Variants in RNF145 observed in about 807,000 individuals in gnomAD.
RNF145 encodes ring finger protein 145.
A neutral mutation model predicts 57.3 loss-of-function variants in RNF145; 12 were observed. The ratio of observed to expected loss-of-function variants is 0.21; its 90% confidence interval spans 0.13 to 0.34. The LOEUF is 0.34. Among genes scored for constraint, RNF145 ranks in the 10% least tolerant of loss-of-function variants. The pLI is 1.00. For synonymous variants in RNF145, 262 were observed against 288.3 expected (o/e 0.91, Z 0.92); for missense variants, 429 against 799.0 (o/e 0.54, Z 5.58).
chr5:159,183,473 C>A (rs901964643), intron 3 of RNF145, among the ~76,000 whole-genome samples: 1 of 152,026 alleles, frequency 6.6e-6, no homozygotes, highest in Non-Finnish European at 1.5e-5. Flanking sequence ...TATTGAGTAA[C>A]CCTGTTTTCA....
intron 2 of RNF145, among the ~76,000 whole-genome samples, chr5:159,199,388 G>C (rs1282532090): frequency 1.8e-5 from 1 of 54,990 alleles, no homozygotes; most frequent in African/African-American, 1.7e-4. Context: ...AGAAAAATCA[G>C]GAAAAAAAAA....
chr5:159,182,884 G>T (rs1299415665), intron 3 of RNF145, among the ~76,000 whole-genome samples: 2 of 151,992 alleles, frequency 1.3e-5, no homozygotes. Context: ...AACTTTTAAT[G>T]CTTTATTCAT....
chr5:159,184,580 T>G (rs1182577043), intron 3 of RNF145, among the ~76,000 whole-genome samples: 1 of 152,176 alleles, frequency 6.6e-6, no homozygotes, highest in Non-Finnish European at 1.5e-5. Context: ...TATTGATACA[T>G]AAAAAGATTT....
chr5:159,158,804 T>C lies in RNF145; in HGVS notation c.1858A>G (p.Thr620Ala), dbSNP rs370893964. ...TCCCTGGAACCTTCCTGTATCCTGGTCCCTGGAGTATGCTCCTGGCCTGGG... is the reference window on the plus strand; with the variant it reads ...TCCCTGGAACCTTCCTGTATCCTGGCCCCTGGAGTATGCTCCTGGCCTGGG... ...EPPGQEHTPG[T>A]RIQEGSRDNN... The change falls in exon 11 of 11, where the codon ACC becomes GCC. Residue 620 changes from threonine (T) to alanine (A), a missense_variant. Physicochemically the swap from Thr to Ala is moderately conservative, Grantham distance 58 (BLOSUM62 0). Transcript: ENST00000424310. 21 of 1,613,856 alleles carry C rather than the reference T, an allele frequency of 1.3e-5. No individual in the cohort carries two copies. In the East Asian group the frequency reaches 2.0e-4, roughly 15 times the overall value.
At chr5:159,166,566 T>C (rs542765459) in intron 8 of RNF145, among the ~76,000 whole-genome samples, 2 of 152,358 alleles carry the variant, frequency 1.3e-5, no homozygotes, top group African/African-American at 4.8e-5. Flanking sequence ...ATCCAGTGTT[T>C]TTCTAGCTTC....
intron 3 of RNF145, among the ~76,000 whole-genome samples, chr5:159,192,995 C>T (rs1019741613): frequency 2.0e-5 from 3 of 152,122 alleles, no homozygotes; most frequent in South Asian, 2.1e-4. Flanking sequence ...TCAGAGGTAT[C>T]GGGGTAAGGC....
intron 1 of RNF145, among the ~76,000 whole-genome samples, chr5:159,204,388 G>T (rs983500923): frequency 9.3e-6 from 1 of 107,182 alleles, no homozygotes; most frequent in Non-Finnish European, 2.1e-5. Context: ...ATAAGTAGTG[G>T]GGGGGGGCAG....
At chr5:159,186,391 C>T (rs1021926729) in intron 3 of RNF145, among the ~76,000 whole-genome samples, 1 of 152,250 alleles carries the variant, frequency 6.6e-6, no homozygotes, top group Non-Finnish European at 1.5e-5. Flanking sequence ...ATAACAGTCT[C>T]TTCAGCGACC....
Position 159,169,679 on chromosome 5 carries a change from C to T in RNF145, c.938G>A (p.Arg313Gln), listed in dbSNP as rs747291155. 4 of 1,589,520 alleles carry T rather than the reference C, an allele frequency of 2.5e-6. No individual in the cohort carries two copies. Among genetic ancestry groups the T allele is most frequent in the Non-Finnish European group, 3.4e-6 (4 of 1,172,006 alleles). ...RAFMNDPAMN[R>Q]GMTEGVTLLI... is the part of the protein sequence containing the mutation. ...AGATATAATCAAGGAAAGAACTTAC[C>T]GATTCATGGCAGGATCATTCATGAA... The change falls in exon 7 of 11, where the codon CGG (arginine) becomes CAG (glutamine). Residue 313 changes from arginine to glutamine, a missense_variant and splice_region_variant. Transcript: ENST00000424310.
At chr5:159,195,432 T>C (rs1349812586) in intron 2 of RNF145, among the ~76,000 whole-genome samples, 1 of 152,224 alleles carries the variant, frequency 6.6e-6, no homozygotes, top group Non-Finnish European at 1.5e-5. Context: ...GCCTCTATTT[T>C]CTAAGCATCT....
chr5:159,176,168 G>T (rs1322278577), intron 5 of RNF145, among the ~76,000 whole-genome samples: 1 of 152,012 alleles, frequency 6.6e-6, no homozygotes, highest in Non-Finnish European at 1.5e-5. Flanking sequence ...GTCACAGTAG[G>T]ACTATAATCA....
At chr5:159,186,989 A>G (rs1183700753) in intron 3 of RNF145, among the ~76,000 whole-genome samples, 2 of 150,044 alleles carry the variant, frequency 1.3e-5, no homozygotes, top group East Asian at 4.0e-4. Flanking sequence ...TCTCAAAACA[A>G]AAACAAAACA....
Position 159,161,625 on chromosome 5 carries a change from GAAAA to G in RNF145, c.1270-7_1270-4del, listed in dbSNP as rs59997682. 5,479 of 1,285,926 alleles carry G rather than the reference GAAAA, an allele frequency of 4.3e-3. 1 individual carries two copies. Among genetic ancestry groups the G allele is most frequent in the African/African-American group, 6.9e-3 (456 of 66,144 alleles). 79.7% of individuals were successfully genotyped at this position (1,285,926 alleles called of 1,614,324 possible). On this transcript the variant is annotated splice_polypyrimidine_tract_variant and splice_region_variant and intron_variant, in intron 9 of 10. Coordinates refer to ENST00000424310, the MANE Select transcript of RNF145 (RefSeq NM_001199383.2). Reference sequence around the variant, plus strand: ...TAAATAAAAAGTGTTCCCAGAACCTGAAAAAAAAAAAAAAATGTACGTATCTTGA... The same window carrying G: ...TAAATAAAAAGTGTTCCCAGAACCTGAAAAAAAAAAATGTACGTATCTTGA...
Position 159,182,048 on chromosome 5 carries a change from G to A in RNF145, c.297C>T (p.Asp99=), listed in dbSNP as rs752224518. 1.9e-6 allele frequency: 3 copies of A among 1,584,148 alleles called. No homozygotes were observed. Among genetic ancestry groups the A allele is most frequent in the South Asian group, 1.1e-5 (1 of 90,326 alleles). The change falls in exon 4 of 11, where the codon GAC becomes GAT. Residue 99 remains aspartate, a synonymous_variant. Coordinates refer to ENST00000424310, the MANE Select transcript of RNF145 (RefSeq NM_001199383.2). Reference sequence around the variant, plus strand: ...CAAACTCCAGTTCACTCCGAACATAGTCCCTAAATAAGAAAATTGATTAGA... The same window carrying A: ...CAAACTCCAGTTCACTCCGAACATAATCCCTAAATAAGAAAATTGATTAGA... The part of the protein sequence containing the change: ...LLYAGHQISR[D]YVRSELEFAY...
intron 3 of RNF145, among the ~76,000 whole-genome samples, chr5:159,190,009 T>C (rs1473940638): frequency 1.3e-5 from 2 of 152,152 alleles, no homozygotes; most frequent in Admixed American, 1.3e-4. Flanking sequence ...TGCACAACTC[T>C]GTGAATGTAC....
Position 159,187,610 on chromosome 5 carries a change from T to A in RNF145, c.294-5559A>T, listed in dbSNP as rs182721601. On this transcript the variant is annotated intron_variant, in intron 3 of 10. Coordinates refer to ENST00000424310, the MANE Select transcript of RNF145 (RefSeq NM_001199383.2). ...CCAAAGTGCTGGGACTACAGGCGTG[T>A]GCCACCACTCCCGGCCTATCTATAG... is the stretch of plus-strand genomic sequence containing the variant. 8.7e-4 allele frequency among the ~76,000 whole-genome samples: 133 copies of A among 152,174 alleles called. 1 individual carries two copies. The highest frequency in any genetic ancestry group is 6.8e-3 in the Middle Eastern group (2 of 294).
chr5:159,205,692 A>G (rs929756781), intron 1 of RNF145, among the ~76,000 whole-genome samples: 4 of 152,200 alleles, frequency 2.6e-5, no homozygotes, highest in Non-Finnish European at 4.4e-5. Context: ...CAGTCTTTAT[A>G]CTGCCATCGA....
At chr5:159,190,416 T>C (rs1305064506) in intron 3 of RNF145, among the ~76,000 whole-genome samples, 1 of 152,054 alleles carries the variant, frequency 6.6e-6, no homozygotes, top group Non-Finnish European at 1.5e-5. Context: ...CCAGGCACAG[T>C]GACTCATACC....
chr5:159,186,537 A>G (rs1785061166), intron 3 of RNF145, among the ~76,000 whole-genome samples: 2 of 152,340 alleles, frequency 1.3e-5, no homozygotes, highest in African/African-American at 4.8e-5. Context: ...CTTTTGCAAT[A>G]TGGGCAACAA....
Sources: allele counts gnomAD v4.1 joint callset (sites outside exome capture counted in the v4.1 genomes callset), GRCh38; gene constraint gnomAD v4.1.1; transcripts MANE v1.5; gene names NCBI Gene and HGNC (gene_info 2026-07-23, HGNC 2026-07-21).